The following SEM1 variants were observed in gnomAD, a reference collection of about 807,000 sequenced individuals.
SEM1 encodes the protein 26S proteasome complex subunit SEM1.
A neutral mutation model predicts 12.7 loss-of-function variants in SEM1; 3 were observed. The observed-to-expected ratio is 0.24, with a 90% CI of 0.11 to 0.61. The LOEUF is 0.61. SEM1 is among the 20% of genes least tolerant of loss of function. The probability of loss-of-function intolerance (pLI) is 0.88; values close to 1 mark genes in which losing one functional copy is unlikely to be tolerated. For synonymous variants in SEM1, 30 were observed against 27.8 expected (o/e 1.08, Z -0.25); for missense variants, 59 against 81.3 (o/e 0.73, Z 1.06).
intron 2 of SEM1, among the ~76,000 whole-genome samples, chr7:96,588,381 C>G (rs1382777871): frequency 0.019 from 2,590 of 137,222 alleles, 59 homozygotes; most frequent in East Asian, 0.073. Context: ...CACACACACA[C>G]ACACACACAC....
intron 3 of SEM1, among the ~76,000 whole-genome samples, chr7:96,502,192 A>T (rs79646434): frequency 0.034 from 5,205 of 152,256 alleles, 299 homozygotes; most frequent in African/African-American, 0.12. Context: ...TCCAGTTTAA[A>T]GTAAGCTTAG....
rs545158259 is a variant in SEM1, at chr7:96,692,072, C to T, written c.170+2726G>A. Among the ~76,000 whole-genome samples, 3 of 152,260 alleles carry T rather than the reference C, an allele frequency of 2.0e-5. No homozygotes were observed. The South Asian group carries it at 6.2e-4, about 32-fold the overall frequency. The stretch of plus-strand genomic sequence containing the variant: ...CTATAGAAATCCACAAACCTAAAGG[C>T]AGAAACACAAGAGTACATAATGGCA... On this transcript the variant is annotated intron_variant, in intron 2 of 2. Coordinates refer to ENST00000248566, the MANE Select transcript of SEM1 (RefSeq NM_006304.2).
intron 2 of SEM1, among the ~76,000 whole-genome samples, chr7:96,511,574 G>A (rs1273350688): frequency 6.6e-6 from 1 of 151,966 alleles, no homozygotes; most frequent in Non-Finnish European, 1.5e-5. Context: ...AGGAAATATG[G>A]CTAGAAATTT....
chr7:96,537,975 C>CT (rs1804838856), intron 2 of SEM1, among the ~76,000 whole-genome samples: 1 of 151,546 alleles, frequency 6.6e-6, no homozygotes, highest in Admixed American at 6.6e-5. Flanking sequence ...TGTTTGTTTT[C>CT]TTTTTTTAAC....
chr7:96,610,060 G>A (rs1807494406), intron 2 of SEM1, among the ~76,000 whole-genome samples: 1 of 151,804 alleles, frequency 6.6e-6, no homozygotes, highest in South Asian at 2.1e-4. Context: ...AAGCATGTTA[G>A]TCTCTCCCCA....
chr7:96,633,615 A>G (rs1412600945), intron 2 of SEM1, among the ~76,000 whole-genome samples: 1 of 152,164 alleles, frequency 6.6e-6, no homozygotes, highest in African/African-American at 2.4e-5. Flanking sequence ...AAACACTTAT[A>G]TTGCACTTTT....
In SEM1 at chr7:96,658,938, G is replaced by A. The variant is rs538607437; in HGVS notation, c.170+35860C>T. ...GAACCAAATGTTCCCATCCTTGAAG[G>A]GGGCACCTTTTTTTCTAATGCACAA... On this transcript the variant is annotated intron_variant, in intron 2 of 2. Coordinates refer to the SEM1 transcript ENST00000417009. Among the ~76,000 whole-genome samples, 18 of 152,030 alleles carry A rather than the reference G, an allele frequency of 1.2e-4. No homozygotes were observed. In the Middle Eastern group the frequency reaches 0.01, roughly 86 times the overall value.
intron 2 of SEM1, 58 bp downstream of exon 2, chr7:96,694,740 C>T (rs1790035048): frequency 1.8e-6 from 2 of 1,115,592 alleles, no homozygotes; most frequent in Non-Finnish European, 2.7e-6. Flanking sequence ...ATGTAAATTA[C>T]ATATTCCATG....
intron 2 of SEM1, among the ~76,000 whole-genome samples, chr7:96,567,434 C>T (rs1805875380): frequency 6.6e-6 from 1 of 151,510 alleles, no homozygotes; most frequent in Non-Finnish European, 1.5e-5. Context: ...TGTTTTCCAG[C>T]TGTAAAATTT....
intron 2 of SEM1, among the ~76,000 whole-genome samples, chr7:96,604,942 C>A (rs1440721043): frequency 6.6e-6 from 1 of 151,474 alleles, no homozygotes; most frequent in African/African-American, 2.4e-5. Context: ...AAACAAAAAC[C>A]CCAACCAACC....
chr7:96,514,180 C>T (rs1250158378), intron 2 of SEM1, among the ~76,000 whole-genome samples: 1 of 151,994 alleles, frequency 6.6e-6, no homozygotes, highest in Non-Finnish European at 1.5e-5. Flanking sequence ...GTCAAATGTA[C>T]TTGTGCTTAA....
intron 2 of SEM1, among the ~76,000 whole-genome samples, chr7:96,629,194 G>A (rs1478943744): frequency 1.3e-5 from 2 of 152,164 alleles, no homozygotes; most frequent in African/African-American, 4.8e-5. Context: ...CTAGGTTTGG[G>A]AAGTTCCCTG....
In SEM1 at chr7:96,553,676, A is replaced by G. The variant is rs1240268955; in HGVS notation, c.171-46978T>C. On this transcript the variant is annotated intron_variant and NMD_transcript_variant, in intron 2 of 3. Transcript: ENST00000466986. ...TGGCTTAGGATTGACTTGGTGATGC[A>G]GGCTCTTTTTTGGTTCCATATGAAC... is the stretch of plus-strand genomic sequence containing the variant. Among the ~76,000 whole-genome samples the G allele has an allele frequency of 4.0e-3, 606 of 152,134 alleles. 1 individual carries two copies. The highest frequency in any genetic ancestry group is 6.4e-3 in the Non-Finnish European group (438 of 67,924).
In SEM1 at chr7:96,530,238, G is replaced by A. The variant is rs144947436; in HGVS notation, c.171-23540C>T. Among the ~76,000 whole-genome samples, 264 of 152,206 alleles carry A rather than the reference G, an allele frequency of 1.7e-3. 1 individual carries two copies. Among genetic ancestry groups the A allele is most frequent in the African/African-American group, 6.1e-3 (255 of 41,568 alleles). ...ATTGACAGCTGGTGGTGGCAGGGAA[G>A]CAGGAGAGAGGGAATCAGCAGGAAC... is the stretch of plus-strand genomic sequence containing the variant. On this transcript the variant is annotated intron_variant and NMD_transcript_variant, in intron 2 of 3. Coordinates refer to the SEM1 transcript ENST00000466986.
chr7:96,661,531 A>G (rs948533084), intron 2 of SEM1, among the ~76,000 whole-genome samples: 1 of 152,226 alleles, frequency 6.6e-6, no homozygotes, highest in African/African-American at 2.4e-5. Flanking sequence ...AGGACTTGCT[A>G]TACATTGTAT....
intron 2 of SEM1, among the ~76,000 whole-genome samples, chr7:96,629,099 A>G (rs1197490047): frequency 6.6e-6 from 1 of 152,018 alleles, no homozygotes; most frequent in African/African-American, 2.4e-5. Flanking sequence ...TGGGAGTTTG[A>G]TTATTAAATG....
intron 2 of SEM1, among the ~76,000 whole-genome samples, chr7:96,589,791 T>G (rs1806770111): frequency 6.6e-6 from 1 of 152,240 alleles, no homozygotes; most frequent in Admixed American, 6.5e-5. Flanking sequence ...GCAGAGTCCC[T>G]TCTTCCTCAA....
intron 2 of SEM1, among the ~76,000 whole-genome samples, chr7:96,510,966 G>T (rs930432919): frequency 3.9e-5 from 6 of 152,224 alleles, no homozygotes; most frequent in Admixed American, 3.9e-4. Context: ...GTCATGAAGA[G>T]ATTGCCTCTT....
intron 1 of SEM1, among the ~76,000 whole-genome samples, chr7:96,489,779 A>T (rs1462423869): frequency 6.6e-6 from 1 of 151,930 alleles, no homozygotes; most frequent in Non-Finnish European, 1.5e-5. Flanking sequence ...TAATTGTATC[A>T]CTCTAGTCTC....
Sources: allele counts gnomAD v4.1 joint callset (sites outside exome capture counted in the v4.1 genomes callset), GRCh38; gene constraint gnomAD v4.1.1; transcripts MANE v1.5; gene names NCBI Gene and HGNC (gene_info 2026-07-23, HGNC 2026-07-21).